The following EPHX2 variants were observed in gnomAD, a reference collection of about 807,000 sequenced individuals.
EPHX2 encodes bifunctional epoxide hydrolase 2.
EPHX2 carries 74 observed loss-of-function variants against 78.7 expected under a neutral mutation model. The observed-to-expected ratio is 0.94, with a 90% CI of 0.78 to 1.14. The LOEUF (loss-of-function observed/expected upper bound fraction) is 1.14. Ranked by LOEUF, EPHX2 falls within the 50% of genes most tolerant of loss-of-function variation. The pLI is 0.00. For missense variants in EPHX2, 715 were observed against 702.5 expected, an observed-to-expected ratio of 1.02 and a Z score of -0.20; for synonymous variants, 251 against 255.2, an observed-to-expected ratio of 0.98 and a Z score of 0.16.
chr8:27,538,265 A>G (rs928475892), intron 13 of EPHX2, among the ~76,000 whole-genome samples: 3 of 152,170 alleles, frequency 2.0e-5, no homozygotes, highest in African/African-American at 7.2e-5. Flanking sequence ...AGCATGTCAG[A>G]GACCCCAGAT....
At chr8:27,521,844 C>T (rs1027615335) in intron 10 of EPHX2, among the ~76,000 whole-genome samples, 5 of 152,138 alleles carry the variant, frequency 3.3e-5, no homozygotes, top group South Asian at 4.1e-4. Flanking sequence ...ATCTAGGTTT[C>T]GCTCTGTGAT....
At chr8:27,497,327 G>A (rs1458544898) in intron 1 of EPHX2, among the ~76,000 whole-genome samples, 1 of 152,210 alleles carries the variant, frequency 6.6e-6, no homozygotes, top group Non-Finnish European at 1.5e-5. Flanking sequence ...GTGGACATGG[G>A]TGAGGGGGCA....
chr8:27,501,355 TTC>T lies in EPHX2; in HGVS notation c.186+347_186+348del, dbSNP rs1563340181. 1.4e-4 allele frequency among the ~76,000 whole-genome samples: 18 copies of T among 128,084 alleles called. 1 individual carries two copies. The highest frequency in any genetic ancestry group is 5.5e-4 in the African/African-American group (18 of 32,596). The allele number at this position is 128,084 out of a possible 152,430, so 84.0% of individuals were successfully genotyped here. A position where few individuals can be genotyped will look rare whatever the true frequency, so the allele number is the denominator to read the frequency against. The stretch of plus-strand genomic sequence containing the variant: ...CTTCTTCTTCTTCTTCTTCTTCTTC[TTC>T]TTCTTCTTCTTCTTCTTCTTCTTCT... On this transcript the variant is annotated intron_variant, in intron 2 of 18. Transcript: ENST00000521400.
chr8:27,526,701 C>G (rs1172004899), intron 12 of EPHX2, among the ~76,000 whole-genome samples: 1 of 152,094 alleles, frequency 6.6e-6, no homozygotes, highest in African/African-American at 2.4e-5. Context: ...CTCTCCTTGG[C>G]TTGTGGGTAG....
At position 27,511,885 on chromosome 8, in the gene EPHX2, T is replaced by A; in HGVS notation, c.710T>A (p.Met237Lys). The change falls in exon 6 of 19, where the codon ATG (methionine) becomes AAG (lysine). Residue 237 changes from methionine (M) to lysine (K), a missense_variant. Coordinates refer to ENST00000521400, the MANE Select transcript of EPHX2 (RefSeq NM_001979.6). ...PLPTSCNPSD[M>K]SHGYVTVKPR... is the part of the protein sequence containing the mutation. ...CCGACCTCTTGCAATCCAAGTGACATGAGCCATGGGTACGTGACAGTAAAG... is the reference window on the plus strand; with the variant it reads ...CCGACCTCTTGCAATCCAAGTGACAAGAGCCATGGGTACGTGACAGTAAAG... 5.6e-6 allele frequency: 9 copies of A among 1,614,048 alleles called. No homozygotes were observed. The highest frequency in any genetic ancestry group is 7.6e-6 in the Non-Finnish European group (9 of 1,179,952).
intron 3 of EPHX2, among the ~76,000 whole-genome samples, 185 bp downstream of exon 3, chr8:27,503,948 G>C (rs1788292194): frequency 6.6e-6 from 1 of 152,152 alleles, no homozygotes; most frequent in African/African-American, 2.4e-5. Context: ...AGAAAAGCTG[G>C]AAAAATGGCA....
At chr8:27,504,630 C>T (rs763423147) in intron 3 of EPHX2, among the ~76,000 whole-genome samples, 1 of 152,230 alleles carries the variant, frequency 6.6e-6, no homozygotes, top group Non-Finnish European at 1.5e-5. Context: ...AGGATTGGCC[C>T]TGTCCACCCC....
chr8:27,499,157 C>T (rs1263905473), intron 1 of EPHX2, among the ~76,000 whole-genome samples: 1 of 152,154 alleles, frequency 6.6e-6, no homozygotes, highest in Non-Finnish European at 1.5e-5. Flanking sequence ...AACTCATTAA[C>T]CCATTAGCCT....
intron 12 of EPHX2, among the ~76,000 whole-genome samples, chr8:27,534,479 C>T (rs1473138994): frequency 6.6e-6 from 1 of 151,988 alleles, no homozygotes; most frequent in Non-Finnish European, 1.5e-5. Flanking sequence ...GATGAAACCC[C>T]GTCTCTACTA....
chr8:27,528,860 A>G (rs1486287625), intron 12 of EPHX2, among the ~76,000 whole-genome samples: 1 of 152,142 alleles, frequency 6.6e-6, no homozygotes, highest in Non-Finnish European at 1.5e-5. Context: ...CAGTGGCACA[A>G]TCTCGGCTCA....
intron 12 of EPHX2, among the ~76,000 whole-genome samples, chr8:27,527,989 A>G (rs1003225960): frequency 6.6e-6 from 1 of 152,268 alleles, no homozygotes; most frequent in African/African-American, 2.4e-5. Context: ...TCCAAAGCCC[A>G]TGCCTCCAAC....
At position 27,535,470 on chromosome 8, in the gene EPHX2, G is replaced by A. The variant is rs544173905; in HGVS notation, c.1171-1314G>A. Among the ~76,000 whole-genome samples, 319 of 152,138 alleles carry A rather than the reference G, an allele frequency of 2.1e-3. 2 individuals are homozygous for A. Among genetic ancestry groups the A allele is most frequent in the Non-Finnish European group, 3.6e-3 (243 of 67,986 alleles). On this transcript the variant is annotated intron_variant, in intron 12 of 18. Coordinates refer to ENST00000521400, the MANE Select transcript of EPHX2 (RefSeq NM_001979.6). ...GATTACAGCGTGAACCACTGCACCC[G>A]GCCAAGATTTTTATTATTTCTGAGT...
At position 27,491,181 on chromosome 8, in the gene EPHX2, C is replaced by T; in HGVS notation, c.-28C>T. On this transcript the variant is annotated 5_prime_UTR_variant, in exon 1 of 19. Coordinates refer to ENST00000521400, the MANE Select transcript of EPHX2 (RefSeq NM_001979.6). Reference sequence around the variant, plus strand: ...CGCATCTCCCAGGTTAGCTGCGTGTCCGGGTGCTAGGCTGCAGACCCGCCG... The same window carrying T: ...CGCATCTCCCAGGTTAGCTGCGTGTTCGGGTGCTAGGCTGCAGACCCGCCG... The T allele has an allele frequency of 2.6e-6, 4 of 1,555,522 alleles. No homozygotes were observed. Among genetic ancestry groups the T allele is most frequent in the Middle Eastern group, 1.7e-4 (1 of 5,772 alleles).
At chr8:27,505,599 G>T (rs1773590194) in intron 4 of EPHX2, among the ~76,000 whole-genome samples, 1 of 152,154 alleles carries the variant, frequency 6.6e-6, no homozygotes, top group Admixed American at 6.5e-5. Flanking sequence ...TTTTCTCTTT[G>T]TGTGTCTCTA....
intron 8 of EPHX2, 131 bp from the exon 9 acceptor site, chr8:27,517,907 T>G: frequency 2.9e-6 from 2 of 697,728 alleles, no homozygotes; most frequent in Non-Finnish European, 4.9e-6. Context: ...AGTCTAAGGA[T>G]TTAGTAAGTT....
chr8:27,491,217 G>A lies in EPHX2; in HGVS notation c.9G>A (p.Leu3=), dbSNP rs561296411. The A allele has an allele frequency of 8.2e-6, 13 of 1,581,964 alleles. No homozygotes were observed. The South Asian group carries it at 1.4e-4, about 16-fold the overall frequency. MT[L]RAAVFDLDGV... ...GCTGCAGACCCGCCGCCATGACGCT[G>A]CGCGCGGCCGTCTTCGACCTTGACG... Residue 3 remains leucine, a synonymous_variant, in exon 1 of 19, where the codon CTG becomes CTA. Transcript: ENST00000521400.
intron 14 of EPHX2, 136 bp downstream of exon 14, chr8:27,538,828 G>C (rs757874297): frequency 2.2e-6 from 2 of 894,174 alleles, no homozygotes; most frequent in South Asian, 2.8e-5. Flanking sequence ...GGGTCCCCTC[G>C]GCATGCATAG....
At chr8:27,524,385 A>G (rs1417549553) in intron 11 of EPHX2, among the ~76,000 whole-genome samples, 1 of 151,978 alleles carries the variant, frequency 6.6e-6, no homozygotes, top group South Asian at 2.1e-4. Flanking sequence ...CTCTGTGTCC[A>G]TGTGGTCTCT....
intron 7 of EPHX2, 134 bp from the exon 8 acceptor site, chr8:27,516,186 C>A: frequency 1.1e-6 from 1 of 911,428 alleles, no homozygotes; most frequent in Non-Finnish European, 1.7e-6. Flanking sequence ...AGCTCCATGG[C>A]AAAGTTACCG....
Sources: allele counts gnomAD v4.1 joint callset (sites outside exome capture counted in the v4.1 genomes callset), GRCh38; gene constraint gnomAD v4.1.1; transcripts MANE v1.5; gene names NCBI Gene and HGNC (gene_info 2026-07-23, HGNC 2026-07-21).